LITAF: variants seen among roughly 807,000 people sequenced by gnomAD.
LITAF encodes lipopolysaccharide-induced tumor necrosis factor-alpha factor.
Under a neutral mutation model 14.5 loss-of-function variants are expected in LITAF, and 9 were observed. That is an observed-to-expected ratio of 0.62 (90% CI 0.37 to 1.08). LITAF has a LOEUF of 1.08. Ranked by LOEUF, LITAF falls within the 50% of genes least tolerant of loss-of-function variation. The pLI, the probability that LITAF is intolerant of heterozygous loss-of-function variation, is 0.01. For synonymous variants in LITAF, 98 were observed against 88.2 expected, an observed-to-expected ratio of 1.11 and a Z score of -0.62; for missense variants, 206 against 213.4, an observed-to-expected ratio of 0.97 and a Z score of 0.22.
At chr16:11,566,647 C>G (rs972496151) in intron 1 of LITAF, among the ~76,000 whole-genome samples, 8 of 152,180 alleles carry the variant, frequency 5.3e-5, no homozygotes, top group Non-Finnish European at 8.8e-5. Flanking sequence ...TGTCTATAGT[C>G]CCAGCTACTC....
chr16:11,608,372 G>C (rs1271210512), intron 3 of LITAF, among the ~76,000 whole-genome samples: 1 of 152,172 alleles, frequency 6.6e-6, no homozygotes, highest in Non-Finnish European at 1.5e-5. Flanking sequence ...AAAGGGGAGG[G>C]GAGTTCCCAG....
upstream of LITAF, among the ~76,000 whole-genome samples, chr16:11,639,382 A>C: frequency 7.3e-6 from 1 of 136,952 alleles, no homozygotes; most frequent in East Asian, 2.6e-4. Context: ...TGAGTGGTGG[A>C]TGCATGGGTG....
chr16:11,603,025 G>T (rs537282048), upstream of LITAF, among the ~76,000 whole-genome samples: 5 of 151,996 alleles, frequency 3.3e-5, no homozygotes, highest in South Asian at 1.0e-3. Context: ...GAGGTGAGAG[G>T]GTCCCTTGAA....
At chr16:11,626,642 A>AT (rs1280148136) in intron 3 of LITAF, among the ~76,000 whole-genome samples, 2 of 151,098 alleles carry the variant, frequency 1.3e-5, no homozygotes, top group Non-Finnish European at 3.0e-5. Context: ...CCAGCCTGTA[A>AT]TTTTTTTTTA....
chr16:11,615,481 G>A (rs1434072648), intron 3 of LITAF, among the ~76,000 whole-genome samples: 1 of 150,398 alleles, frequency 6.6e-6, no homozygotes, highest in Non-Finnish European at 1.5e-5. Flanking sequence ...AGGTTGCGGT[G>A]AGCCGAGATC....
chr16:11,637,044 G>T (rs753566281), upstream of LITAF, among the ~76,000 whole-genome samples: 1 of 152,042 alleles, frequency 6.6e-6, no homozygotes, highest in Non-Finnish European at 1.5e-5. Flanking sequence ...ATCTGTAAAA[G>T]TGAGCCCAGC....
At chr16:11,617,895 G>A (rs1246512967) in intron 3 of LITAF, among the ~76,000 whole-genome samples, 5 of 151,884 alleles carry the variant, frequency 3.3e-5, no homozygotes, top group Non-Finnish European at 5.9e-5. Flanking sequence ...ATTTGAGACA[G>A]GGTCTCACTC....
intron 3 of LITAF, among the ~76,000 whole-genome samples, chr16:11,620,200 G>C (rs899126092): frequency 6.6e-6 from 1 of 151,234 alleles, no homozygotes; most frequent in Non-Finnish European, 1.5e-5. Context: ...AAAAGAAAAA[G>C]AAAAGTAATC....
In LITAF at chr16:11,610,615, G is replaced by A. The variant is rs114692201; in HGVS notation, c.85+22918C>T. Among the ~76,000 whole-genome samples the A allele has an allele frequency of 3.6e-3, 543 of 152,252 alleles. 2 individuals are homozygous for A. Among genetic ancestry groups the A allele is most frequent in the African/African-American group, 0.013 (521 of 41,552 alleles). Reference sequence around the variant, plus strand: ...CCCCCGAGCAAGGGAACAATGGGATGGAGCCCAACTTGAGCAGTAAATAAG... The same window carrying A: ...CCCCCGAGCAAGGGAACAATGGGATAGAGCCCAACTTGAGCAGTAAATAAG... On this transcript the variant is annotated intron_variant, in intron 3 of 3. Coordinates refer to the LITAF transcript ENST00000574848.
In LITAF at chr16:11,592,893, G is replaced by A. The variant is rs552611734; in HGVS notation, c.-6+5495C>T. 7.0e-4 allele frequency among the ~76,000 whole-genome samples: 106 copies of A among 152,032 alleles called. 1 individual carries two copies. Among genetic ancestry groups the A allele is most frequent in the Admixed American group, 7.2e-4 (11 of 15,248 alleles). ...TCTGCTAAAAATACAAAAATTGGCC[G>A]GGTGTGGTGGCTCACGCCTGTAATC... On this transcript the variant is annotated intron_variant, in intron 1 of 3. Coordinates refer to the LITAF transcript ENST00000571627.
chr16:11,616,774 T>C (rs1171404902), intron 3 of LITAF, among the ~76,000 whole-genome samples: 1 of 151,824 alleles, frequency 6.6e-6, no homozygotes, highest in Non-Finnish European at 1.5e-5. Context: ...TTACCGGGCA[T>C]AGTGGTGCAC....
Position 11,563,963 on chromosome 16 carries a change from G to GGC in LITAF, c.-5-7229_-5-7228insGC, listed in dbSNP as rs1246483396. Among the ~76,000 whole-genome samples, 15 of 152,190 alleles carry GGC rather than the reference G, an allele frequency of 9.9e-5. No homozygotes were observed. The East Asian group carries it at 2.9e-3, about 29-fold the overall frequency. ...ACTCTGTTACCCAGGCTGGAGTGTAGTGGCATGATTTCAGCTCACTGCAAC... is the reference window on the plus strand; with the variant it reads ...ACTCTGTTACCCAGGCTGGAGTGTAGGCTGGCATGATTTCAGCTCACTGCAAC... On this transcript the variant is annotated intron_variant, in intron 1 of 3. Transcript: ENST00000622633.
At chr16:11,604,419 T>G (rs1167424069) in intron 3 of LITAF, among the ~76,000 whole-genome samples, 4 of 152,146 alleles carry the variant, frequency 2.6e-5, no homozygotes, top group Non-Finnish European at 5.9e-5. Context: ...ATATATTGTT[T>G]AGATAGCAAA....
Position 11,614,906 on chromosome 16 carries a change from G to C in LITAF, c.85+18627C>G, listed in dbSNP as rs146000907. ...CGGCAGGCAGTTCTAACGGCAGGGA[G>C]TCAGTTCAGTGATTGTCATGACAGC... On this transcript the variant is annotated intron_variant, in intron 3 of 3. Coordinates refer to the LITAF transcript ENST00000574848. Among the ~76,000 whole-genome samples the C allele has an allele frequency of 9.8e-5, 15 of 152,374 alleles. No individual in the cohort carries two copies. In the East Asian group the frequency reaches 2.7e-3, roughly 27 times the overall value.
At chr16:11,568,794 G>A (rs759930008) in intron 1 of LITAF, among the ~76,000 whole-genome samples, 41 of 150,270 alleles carry the variant, frequency 2.7e-4, no homozygotes, top group Non-Finnish European at 4.6e-4. Flanking sequence ...ATTCTCTCAC[G>A]TCAGCTTCCT....
intron 1 of LITAF, among the ~76,000 whole-genome samples, chr16:11,557,978 A>G (rs1386313570): frequency 2.0e-5 from 3 of 152,200 alleles, no homozygotes; most frequent in Non-Finnish European, 4.4e-5. Flanking sequence ...GGAAGCAGAC[A>G]CAGTGCTGTT....
intron 1 of LITAF, among the ~76,000 whole-genome samples, chr16:11,572,935 T>TTTC (rs2064568212): frequency 6.6e-6 from 1 of 150,946 alleles, no homozygotes. Context: ...TCAAGCTCTT[T>TTTC]TTTTTTTTTT....
At chr16:11,604,346 A>G (rs1490590766) in intron 3 of LITAF, among the ~76,000 whole-genome samples, 4 of 152,232 alleles carry the variant, frequency 2.6e-5, no homozygotes, top group Non-Finnish European at 5.9e-5. Flanking sequence ...CAAGTATTTC[A>G]TATATCATTA....
upstream of LITAF, among the ~76,000 whole-genome samples, chr16:11,588,867 C>T (rs1274050511): frequency 2.6e-5 from 4 of 151,610 alleles, no homozygotes; most frequent in Non-Finnish European, 4.4e-5. Context: ...TTCCTTCCTT[C>T]CTTCCTTCCT....
Sources: gnomAD v4.1 joint callset for allele counts (sites outside exome capture counted in the v4.1 genomes callset) on GRCh38, gnomAD v4.1.1 for gene constraint, MANE v1.5 for transcripts, NCBI Gene and HGNC (gene_info 2026-07-23, HGNC 2026-07-21) for gene names.